SYBU: variants seen among roughly 807,000 people sequenced by gnomAD.
The protein encoded by SYBU is syntabulin.
In SYBU, 21 loss-of-function variants were observed where a neutral mutation model predicts 35.9. The observed-to-expected ratio is 0.58, with a 90% confidence interval of 0.41 to 0.84. SYBU has a LOEUF of 0.84. SYBU is among the 40% of genes least tolerant of loss of function. SYBU has a pLI of 0.00. For missense variants in SYBU, 768 were observed against 848.2 expected (o/e 0.91, Z 1.17); for synonymous variants, 319 against 324.3 (o/e 0.98, Z 0.18).
intron 1 of SYBU, among the ~76,000 whole-genome samples, chr8:109,690,927 A>T (rs1817630587): frequency 6.6e-6 from 1 of 152,116 alleles, no homozygotes; most frequent in African/African-American, 2.4e-5. Flanking sequence ...TTCCTGGAGA[A>T]CACCTATTCT....
chr8:109,664,288 G>C (rs967162242), intron 1 of SYBU, among the ~76,000 whole-genome samples: 7 of 152,062 alleles, frequency 4.6e-5, no homozygotes, highest in Admixed American at 1.3e-4. Flanking sequence ...GGAGGGTGTA[G>C]GTCATTTTAT....
upstream of SYBU, chr8:109,645,092 T>C: frequency 2.1e-6 from 1 of 469,924 alleles, no homozygotes; most frequent in Non-Finnish European, 4.1e-6. Flanking sequence ...GACCCCACCC[T>C]CTTTTTTTTT....
exon 1 of SYBU, chr8:109,680,765 A>T (rs539102893): frequency 1.3e-5 from 2 of 152,350 alleles, no homozygotes; most frequent in East Asian, 3.9e-4. Flanking sequence ...TAGAAAGAAC[A>T]TATAAAGCTT....
intron 1 of SYBU, 82 bp downstream of exon 1, chr8:109,644,554 C>T: frequency 2.7e-6 from 4 of 1,469,594 alleles, no homozygotes; most frequent in Non-Finnish European, 3.7e-6. Context: ...TGTCACCCCT[C>T]CAGCTCTCAT....
chr8:109,642,818 A>T lies in SYBU; in HGVS notation c.139T>A (p.Ser47Thr). ...CTGCTCTCTTCCTCAGAGAAAGGAG[A>T]CTCAGAGGCTGGGGACACTTTGTGC... ...QQHKVSPASE[S>T]PFSEEESREF... is the part of the protein sequence containing the mutation. The change falls in exon 2 of 7, where the codon TCT (serine) becomes ACT (threonine). Residue 47 changes from serine (S) to threonine (T), a missense_variant. Transcript: ENST00000276646. 1 of 1,613,318 alleles carries T rather than the reference A, an allele frequency of 6.2e-7. No individual in the cohort carries two copies. Among genetic ancestry groups the T allele is most frequent in the South Asian group, 1.1e-5 (1 of 90,934 alleles).
chr8:109,641,997 A>G (rs991904656), intron 2 of SYBU, among the ~76,000 whole-genome samples: 6 of 152,210 alleles, frequency 3.9e-5, no homozygotes, highest in African/African-American at 1.4e-4. Context: ...ATAAAGACAC[A>G]TGGACACGTA....
chr8:109,575,176 C>T lies in SYBU; in HGVS notation c.1722G>A (p.Met574Ile). 1 of 1,614,228 alleles carries T rather than the reference C, an allele frequency of 6.2e-7. No individual in the cohort carries two copies. The highest frequency in any genetic ancestry group is 8.5e-7 in the Non-Finnish European group (1 of 1,180,038). The change falls in exon 7 of 7, where the codon ATG becomes ATA. Residue 574 changes from methionine to isoleucine, a missense_variant. By Grantham distance (10) the Met-to-Ile change is conservative (BLOSUM62 1). Transcript: ENST00000276646. The part of the protein sequence containing the change: ...VDAEVHANRL[M>I]RELDFAACVE... ...CGCAGGCTGCAAAATCCAGCTCTCT[C>T]ATGAGGCGGTTTGCATGAACTTCTG...
chr8:109,658,919 G>A (rs1008111494), intron 1 of SYBU, among the ~76,000 whole-genome samples: 2 of 151,828 alleles, frequency 1.3e-5, no homozygotes, highest in African/African-American at 4.8e-5. Context: ...GCGCCACACT[G>A]CACTCAAGCC....
chr8:109,658,229 C>G (rs1816427930), intron 1 of SYBU, among the ~76,000 whole-genome samples: 1 of 152,072 alleles, frequency 6.6e-6, no homozygotes, highest in South Asian at 2.1e-4. Flanking sequence ...CACTTTTAGG[C>G]CTTTTGTGAT....
chr8:109,632,058 T>C (rs1448085904), intron 2 of SYBU, among the ~76,000 whole-genome samples: 1 of 152,174 alleles, frequency 6.6e-6, no homozygotes, highest in Non-Finnish European at 1.5e-5. Flanking sequence ...ATATTTCTTT[T>C]ATTTTTTTGA....
At position 109,644,406 on chromosome 8, in the gene SYBU, C is replaced by T. The variant is rs958565219; in HGVS notation, c.24+230G>A. ...TCCCAGTTTCAGGAGGTGGGATTAA[C>T]CCTCCAATCATGTCATTCTCCAAAA... On this transcript the variant is annotated intron_variant, in intron 1 of 6. Coordinates refer to ENST00000276646, the MANE Select transcript of SYBU (RefSeq NM_001099754.2). Among the ~76,000 whole-genome samples, 3 of 152,218 alleles carry T rather than the reference C, an allele frequency of 2.0e-5. No homozygotes were observed. The South Asian group carries it at 6.2e-4, about 32-fold the overall frequency.
At position 109,632,587 on chromosome 8, in the gene SYBU, T is replaced by C. The variant is rs1362564346; in HGVS notation, c.229+10141A>G. On this transcript the variant is annotated intron_variant, in intron 2 of 6. Transcript: ENST00000276646. ...ATGTAATTGTTACATCTGAGTTTTT[T>C]CTATTTTGAAAAAAGGAATTGTTTT... is the stretch of plus-strand genomic sequence containing the variant. Among the ~76,000 whole-genome samples, 4 of 152,184 alleles carry C rather than the reference T, an allele frequency of 2.6e-5. 1 individual carries two copies. The highest frequency in any genetic ancestry group is 5.9e-5 in the Non-Finnish European group (4 of 68,042).
At chr8:109,606,814 C>G (rs545256761) in intron 3 of SYBU, among the ~76,000 whole-genome samples, 22 of 152,182 alleles carry the variant, frequency 1.4e-4, no homozygotes, top group Non-Finnish European at 2.9e-5. Flanking sequence ...CATGACTAAC[C>G]GTTGGAAAAG....
intron 1 of SYBU, among the ~76,000 whole-genome samples, chr8:109,674,525 T>G (rs1223756630): frequency 6.6e-6 from 1 of 152,090 alleles, no homozygotes; most frequent in Non-Finnish European, 1.5e-5. Flanking sequence ...CAAGAGCTCC[T>G]GAAGGAAGCA....
chr8:109,608,182 T>C, intron 3 of SYBU: 1 of 460,866 alleles, frequency 2.2e-6, no homozygotes, highest in Non-Finnish European at 3.8e-6. Context: ...GACTGCAGTG[T>C]TCCAATGAAA....
chr8:109,608,196 T>C (rs1412133133), intron 3 of SYBU: 2 of 439,966 alleles, frequency 4.5e-6, no homozygotes, highest in Non-Finnish European at 8.0e-6. Flanking sequence ...AATGAAACCA[T>C]CGCCCTCATG....
At chr8:109,649,457 G>C (rs1430226511), upstream of SYBU, among the ~76,000 whole-genome samples, 2 of 152,162 alleles carry the variant, frequency 1.3e-5, no homozygotes, top group Non-Finnish European at 1.5e-5. Context: ...CCTGAGGCAG[G>C]CCATGCTTGA....
At chr8:109,583,764 C>T (rs1014235029) in intron 4 of SYBU, among the ~76,000 whole-genome samples, 2 of 152,128 alleles carry the variant, frequency 1.3e-5, no homozygotes, top group Admixed American at 6.6e-5. Context: ...TAGTCCATGA[C>T]CAAAATCTAC....
intron 1 of SYBU, among the ~76,000 whole-genome samples, chr8:109,679,293 C>T (rs1050349393): frequency 1.3e-5 from 2 of 152,198 alleles, no homozygotes. Flanking sequence ...CCTTGTTTAG[C>T]ATGTAATCAA....
Sources: allele counts gnomAD v4.1 joint callset (sites outside exome capture counted in the v4.1 genomes callset), GRCh38; gene constraint gnomAD v4.1.1; transcripts MANE v1.5; gene names NCBI Gene and HGNC (gene_info 2026-07-23, HGNC 2026-07-21).